BBS2: variants seen among roughly 807,000 people sequenced by gnomAD.
BBS2 encodes the protein Bardet-Biedl syndrome 2.
BBS2 carries 62 observed loss-of-function variants against 83.0 expected under a neutral mutation model. The ratio of observed to expected loss-of-function variants is 0.75; its 90% CI spans 0.61 to 0.92. The LOEUF (loss-of-function observed/expected upper bound fraction) is 0.92. Among genes scored for constraint, BBS2 ranks in the 40% least tolerant of loss-of-function variants. BBS2 has a pLI of 0.00. For missense variants in BBS2, 784 were observed against 901.0 expected (o/e 0.87, Z 1.66); for synonymous variants, 303 against 326.1 (o/e 0.93, Z 0.76).
At chr16:56,510,515 A>C (rs1230287251) in intron 4 of BBS2, among the ~76,000 whole-genome samples, 5 of 152,230 alleles carry the variant, frequency 3.3e-5, no homozygotes, top group Non-Finnish European at 5.9e-5. Flanking sequence ...TCCTCAAAAC[A>C]GTTGGCCAAA....
intron 15 of BBS2, among the ~76,000 whole-genome samples, chr16:56,495,718 T>A (rs1178280480): frequency 6.6e-6 from 1 of 152,072 alleles, no homozygotes; most frequent in East Asian, 1.9e-4. Context: ...TTGTAAATTT[T>A]TCTAAGTGTG....
intron 2 of BBS2, among the ~76,000 whole-genome samples, chr16:56,512,095 C>T (rs1964594335): frequency 6.6e-6 from 1 of 152,136 alleles, no homozygotes; most frequent in Non-Finnish European, 1.5e-5. Flanking sequence ...AGAAAAGGTG[C>T]TCTGCATCAA....
downstream of BBS2, among the ~76,000 whole-genome samples, chr16:56,483,598 T>TA (rs1385027646): frequency 3.3e-5 from 5 of 152,222 alleles, no homozygotes; most frequent in Non-Finnish European, 5.9e-5. Flanking sequence ...CAGCTAACAT[T>TA]AGCCCAACAA....
rs150110998 is a variant in BBS2, at chr16:56,489,614, T to C, written c.1911-3876A>G. Among the ~76,000 whole-genome samples the C allele has an allele frequency of 5.6e-3, 840 of 151,208 alleles. 6 individuals carry two copies. The highest frequency in any genetic ancestry group is 9.4e-3 in the Non-Finnish European group (636 of 67,798). The stretch of plus-strand genomic sequence containing the variant: ...GAGTTTGAGACCAGCCTGGCCAACA[T>C]AGTGAAACTCCATCTCTACTAAAAA... On this transcript the variant is annotated intron_variant, in intron 15 of 16. Transcript: ENST00000245157.
intron 2 of BBS2, among the ~76,000 whole-genome samples, chr16:56,514,047 T>G (rs1964657131): frequency 6.6e-6 from 1 of 152,212 alleles, no homozygotes; most frequent in African/African-American, 2.4e-5. Flanking sequence ...CTGTAACAAA[T>G]ATGAATTGCT....
At chr16:56,496,664 T>A (rs562391740) in intron 15 of BBS2, among the ~76,000 whole-genome samples, 1 of 152,342 alleles carries the variant, frequency 6.6e-6, no homozygotes, top group East Asian at 1.9e-4. Flanking sequence ...ACACTGTTCA[T>A]GCTAATTTGG....
intron 1 of BBS2, 62 bp downstream of exon 1, chr16:56,519,684 G>T: frequency 1.5e-6 from 2 of 1,374,728 alleles, no homozygotes; most frequent in Middle Eastern, 2.3e-4. Flanking sequence ...TCCCAGGGGC[G>T]CGGCCGGCGG....
intron 11 of BBS2, chr16:56,500,650 T>C: frequency 2.0e-6 from 1 of 494,818 alleles, no homozygotes; most frequent in Non-Finnish European, 3.6e-6. Flanking sequence ...AAAAGAACCA[T>C]CTTAAACTTA....
intron 2 of BBS2, among the ~76,000 whole-genome samples, chr16:56,514,132 G>A (rs1198316284): frequency 6.6e-6 from 1 of 152,220 alleles, no homozygotes; most frequent in African/African-American, 2.4e-5. Context: ...CACTAAACTT[G>A]AATGCAAGTC....
chr16:56,498,696 G>A (rs758979914), intron 12 of BBS2, 128 bp from the exon 13 acceptor site: 2 of 1,541,758 alleles, frequency 1.3e-6, no homozygotes, highest in Non-Finnish European at 1.7e-6. Context: ...TAGTTTTACT[G>A]CTTTGTTGAG....
rs531626581 is a variant in BBS2 at position 56,485,533 on chromosome 16, A to G, written c.2059+57T>C. ...TTATTGGATGCTACCACCATCTTCAATGAGTTCCACCAAAAACATTACAGA... is the reference window on the plus strand; with the variant it reads ...TTATTGGATGCTACCACCATCTTCAGTGAGTTCCACCAAAAACATTACAGA... On this transcript the variant is annotated intron_variant, in intron 16 of 16. Transcript: ENST00000245157. 23 of 1,602,636 alleles carry G rather than the reference A, an allele frequency of 1.4e-5. 1 individual carries two copies. In the Admixed American group the frequency reaches 2.2e-4, roughly 15 times the overall value.
At chr16:56,508,582 T>C (rs1370968187) in intron 5 of BBS2, among the ~76,000 whole-genome samples, 4 of 152,148 alleles carry the variant, frequency 2.6e-5, no homozygotes, top group Admixed American at 2.0e-4. Flanking sequence ...ACAGGTAATC[T>C]TTAGATAGTG....
At chr16:56,471,600 C>T (rs1326769876) in intron 17 of BBS2, among the ~76,000 whole-genome samples, 2 of 152,154 alleles carry the variant, frequency 1.3e-5, no homozygotes, top group Non-Finnish European at 2.9e-5. Flanking sequence ...TTTACCATTC[C>T]CTGCTTCCAC....
At chr16:56,473,000 G>A (rs1210040685) in intron 17 of BBS2, among the ~76,000 whole-genome samples, 2 of 152,086 alleles carry the variant, frequency 1.3e-5, no homozygotes, top group African/African-American at 2.4e-5. Flanking sequence ...GCATGATCTC[G>A]GCTCACTGCT....
chr16:56,508,736 C>T (rs1353818231), intron 5 of BBS2, among the ~76,000 whole-genome samples: 1 of 151,990 alleles, frequency 6.6e-6, no homozygotes, highest in African/African-American at 2.4e-5. Context: ...GCCTCAAGCT[C>T]CTGGGCTCAA....
At chr16:56,490,624 G>C (rs1012334451) in intron 15 of BBS2, among the ~76,000 whole-genome samples, 4 of 152,170 alleles carry the variant, frequency 2.6e-5, no homozygotes, top group Admixed American at 2.0e-4. Context: ...CTGGGCAACA[G>C]AGTGAGACTC....
chr16:56,517,723 G>A (rs1964791613), intron 1 of BBS2, among the ~76,000 whole-genome samples: 1 of 152,076 alleles, frequency 6.6e-6, no homozygotes, highest in Non-Finnish European at 1.5e-5. Flanking sequence ...CAAATTAGGG[G>A]CTGAGTTAAT....
rs1412962407 is a variant in BBS2 at position 56,501,020 on chromosome 16, T to C, written c.1231A>G (p.Ile411Val). The C allele has an allele frequency of 8.7e-6, 14 of 1,614,170 alleles. No individual in the cohort carries two copies. The highest frequency in any genetic ancestry group is 1.1e-5 in the South Asian group (1 of 91,076). ...ELRISTSNDT[I>V]IRAVLIFAEG... ...GCAAAAATCAATACTGCTCGGATGA[T>C]GGTGTCTGCAGGGAAGAGTAAAAAC... The change falls in exon 11 of 17, where the codon ATC (isoleucine) becomes GTC (valine). Residue 411 changes from isoleucine to valine, a missense_variant. By Grantham distance (29) the Ile-to-Val change is conservative. Transcript: ENST00000245157.
chr16:56,505,898 C>G, intron 7 of BBS2, 52 bp downstream of exon 7: 1 of 1,404,772 alleles, frequency 7.1e-7, no homozygotes, highest in Admixed American at 1.7e-5. Context: ...GCCAATACAC[C>G]TTGGACAATT....
Sources: gnomAD v4.1 joint callset for allele counts (sites outside exome capture counted in the v4.1 genomes callset) on GRCh38, gnomAD v4.1.1 for gene constraint, MANE v1.5 for transcripts, NCBI Gene and HGNC (gene_info 2026-07-23, HGNC 2026-07-21) for gene names.